The following USP26 variants were observed in gnomAD, a reference collection of about 807,000 sequenced individuals.
The protein encoded by USP26 is ubiquitin specific peptidase 26.
For synonymous variants in USP26, 236 were observed against 240.6 expected, an observed-to-expected ratio of 0.98 and a Z score of 0.18; for missense variants, 649 against 642.3, an observed-to-expected ratio of 1.01 and a Z score of -0.11.
intron 5 of USP26, among the ~76,000 whole-genome samples, chrX:133,070,599 C>T (rs1253952143): frequency 1.8e-5 from 2 of 111,790 alleles, no homozygotes; most frequent in African/African-American, 6.5e-5. Flanking sequence ...TCCAGTTGAT[C>T]TGATGTGTTT....
At chrX:133,089,155 T>C (rs1403804054) in intron 4 of USP26, among the ~76,000 whole-genome samples, 1 of 110,725 alleles carries the variant, frequency 9.0e-6, no homozygotes, top group East Asian at 2.8e-4. Context: ...TTGGGTGAAC[T>C]TCAGATTACA....
intron 5 of USP26, among the ~76,000 whole-genome samples, chrX:133,058,282 A>C (rs1159840855): frequency 9.0e-6 from 1 of 110,838 alleles, no homozygotes; most frequent in Non-Finnish European, 1.9e-5. Context: ...GTAATCTATA[A>C]ATGTCAATTA....
At chrX:133,091,254 C>A (rs1220493473) in intron 2 of USP26, 99 bp downstream of exon 2, 3 of 112,077 alleles carry the variant, frequency 2.7e-5, no homozygotes, top group African/African-American at 9.7e-5. Context: ...TGGCAGACTA[C>A]CATTCCCTGA....
rs2067332905 is a variant in USP26 at position 133,023,491 on chromosome X, T to C, written c.*1988A>G. 8.9e-6 allele frequency among the ~76,000 whole-genome samples: 1 copy of C among 111,773 alleles called. No individual in the cohort carries two copies. Among genetic ancestry groups the C allele is most frequent in the Non-Finnish European group, 1.9e-5 (1 of 53,215 alleles). On this transcript the variant is annotated 3_prime_UTR_variant, in exon 6 of 6. Coordinates refer to ENST00000511190, the MANE Select transcript of USP26 (RefSeq NM_031907.3). ...CTATGTAACTGGGCTCAACATAAACTACTCTAGAGGCCAAAAAACTGAAAT... is the reference window on the plus strand; with the variant it reads ...CTATGTAACTGGGCTCAACATAAACCACTCTAGAGGCCAAAAAACTGAAAT...
rs180974121 is a variant in USP26, at chrX:133,039,033, C to G, written c.-76-10737G>C. Among the ~76,000 whole-genome samples, 231 of 111,536 alleles carry G rather than the reference C, an allele frequency of 2.1e-3. 1 individual carries two copies. Among genetic ancestry groups the G allele is most frequent in the Admixed American group, 0.019 (203 of 10,513 alleles). ...AGCCCCTTTATCATTTTTATTGCAT[C>G]TACTTGATTATTCTCTCTTTTCTTC... On this transcript the variant is annotated intron_variant, in intron 5 of 5. Coordinates refer to ENST00000511190, the MANE Select transcript of USP26 (RefSeq NM_031907.3).
chrX:133,046,045 T>C (rs2067438987), intron 5 of USP26: 1 of 111,256 alleles, frequency 9.0e-6, no homozygotes, highest in Non-Finnish European at 1.9e-5. Flanking sequence ...TGTTTTGGGG[T>C]GGTCCTACAA....
chrX:133,025,398 G>T lies in USP26; in HGVS notation c.*81C>A, dbSNP rs1245481952. Reference sequence around the variant, plus strand: ...AATTGCATTTTCATCTCTGGATAAAGTTCACAGTTTTCCTTCCATGGAGGA... The same window carrying T: ...AATTGCATTTTCATCTCTGGATAAATTTCACAGTTTTCCTTCCATGGAGGA... On this transcript the variant is annotated 3_prime_UTR_variant, in exon 6 of 6. Coordinates refer to ENST00000511190, the MANE Select transcript of USP26 (RefSeq NM_031907.3). 29 of 1,193,838 alleles carry T rather than the reference G, an allele frequency of 2.4e-5. No homozygotes were observed. The highest frequency in any genetic ancestry group is 3.0e-5 in the Non-Finnish European group (27 of 887,015).
At chrX:133,075,133 C>T (rs1340265752) in intron 5 of USP26, among the ~76,000 whole-genome samples, 4 of 111,403 alleles carry the variant, frequency 3.6e-5, no homozygotes, top group African/African-American at 1.3e-4. Flanking sequence ...GTACTCTCTC[C>T]CTCCCCTCTG....
At chrX:133,057,867 T>TATATATATATATATATA (rs1491099712) in intron 5 of USP26, among the ~76,000 whole-genome samples, 30 of 8,222 alleles carry the variant, frequency 3.6e-3, no homozygotes, top group African/African-American at 4.3e-3. Flanking sequence ...TATATATATA[T>TATATATATATATATATA]TTTTTTTTTT....
chrX:133,038,401 T>G lies in USP26; in HGVS notation c.-76-10105A>C, dbSNP rs759443942. ...GGGTGTTGAATTTTATTGAAGGCCT[T>G]TTCCGCATCCATTGAGATAATCATG... On this transcript the variant is annotated intron_variant, in intron 5 of 5. Coordinates refer to ENST00000511190, the MANE Select transcript of USP26 (RefSeq NM_031907.3). 4.5e-5 allele frequency among the ~76,000 whole-genome samples: 5 copies of G among 112,075 alleles called. No homozygotes were observed. The East Asian group carries it at 1.4e-3, about 32-fold the overall frequency.
chrX:133,081,423 A>G (rs1432855521), intron 5 of USP26, among the ~76,000 whole-genome samples: 3 of 110,930 alleles, frequency 2.7e-5, no homozygotes, highest in Non-Finnish European at 5.7e-5. Flanking sequence ...CAGCCTCCCA[A>G]GTAGCTGGGA....
At chrX:133,084,251 G>C (rs766864490) in intron 4 of USP26, among the ~76,000 whole-genome samples, 2 of 109,420 alleles carry the variant, frequency 1.8e-5, no homozygotes, top group East Asian at 5.8e-4. Context: ...CAGGCTGGAG[G>C]GCAGTGGTGT....
chrX:133,051,186 A>AGTTT lies in USP26; in HGVS notation c.-76-22894_-76-22891dup, dbSNP rs762216818. Among the ~76,000 whole-genome samples, 3 of 111,536 alleles carry AGTTT rather than the reference A, an allele frequency of 2.7e-5. No individual in the cohort carries two copies. In the Admixed American group the frequency reaches 2.9e-4, roughly 11 times the overall value. ...GTCAACCAACAGCAGAAGTCTACTGAGTTTGTTGGCCTGATAAAGACAGAC... is the reference window on the plus strand; with the variant it reads ...GTCAACCAACAGCAGAAGTCTACTGAGTTTGTTTGTTGGCCTGATAAAGACAGAC... On this transcript the variant is annotated intron_variant, in intron 5 of 5. Transcript: ENST00000511190.
At chrX:133,037,794 T>C (rs1248289349) in intron 5 of USP26, among the ~76,000 whole-genome samples, 1 of 112,279 alleles carries the variant, frequency 8.9e-6, no homozygotes, top group African/African-American at 3.2e-5. Context: ...TGATTCTTCC[T>C]ATCCATGAAC....
chrX:133,036,022 C>G (rs1249987385), intron 5 of USP26, among the ~76,000 whole-genome samples: 3 of 110,673 alleles, frequency 2.7e-5, no homozygotes, highest in Admixed American at 1.9e-4. Context: ...TGGGCCGAGA[C>G]AGGAGGATTG....
intron 4 of USP26, among the ~76,000 whole-genome samples, chrX:133,088,442 C>G (rs2067596813): frequency 9.0e-6 from 1 of 111,445 alleles, no homozygotes; most frequent in African/African-American, 3.3e-5. Flanking sequence ...CGCTGCTGAG[C>G]TGACAGGAGG....
intron 5 of USP26, among the ~76,000 whole-genome samples, chrX:133,033,592 C>A (rs1208674264): frequency 8.9e-6 from 1 of 112,297 alleles, no homozygotes; most frequent in Non-Finnish European, 1.9e-5. Context: ...AATATGAATT[C>A]ATTAAGAAAG....
intron 5 of USP26, among the ~76,000 whole-genome samples, chrX:133,046,755 A>T (rs935612586): frequency 1.8e-5 from 2 of 112,266 alleles, no homozygotes; most frequent in Non-Finnish European, 3.8e-5. Flanking sequence ...CTGTTTGACA[A>T]AAACAGGGCT....
At chrX:133,052,433 A>G (rs1178306107) in intron 5 of USP26, among the ~76,000 whole-genome samples, 1 of 112,241 alleles carries the variant, frequency 8.9e-6, no homozygotes, top group Non-Finnish European at 1.9e-5. Context: ...AAAGGGAGTG[A>G]ATGTGTTTGT....
Sources: allele counts gnomAD v4.1 joint callset (sites outside exome capture counted in the v4.1 genomes callset), GRCh38; gene constraint gnomAD v4.1.1; transcripts MANE v1.5; gene names NCBI Gene and HGNC (gene_info 2026-07-23, HGNC 2026-07-21).